The following KCNJ2 variants were observed in gnomAD, a reference collection of about 807,000 sequenced individuals.
KCNJ2 encodes inward rectifier potassium channel 2.
A neutral mutation model predicts 28.4 loss-of-function variants in KCNJ2; 12 were observed. That is an observed-to-expected ratio of 0.42 (90% CI 0.27 to 0.68). The LOEUF (loss-of-function observed/expected upper bound fraction) is 0.68, where lower values mean the gene tolerates loss of function less well. Among genes scored for constraint, KCNJ2 ranks in the 30% least tolerant of loss-of-function variants. The probability of loss-of-function intolerance (pLI) is 0.23; values close to 1 mark genes in which losing one functional copy is unlikely to be tolerated. For synonymous variants in KCNJ2, 200 were observed against 203.2 expected (o/e 0.98, Z 0.13); for missense variants, 320 against 551.3 (o/e 0.58, Z 4.20).
At chr17:70,171,684 C>A (rs998702345) in intron 1 of KCNJ2, among the ~76,000 whole-genome samples, 17 of 152,160 alleles carry the variant, frequency 1.1e-4, no homozygotes, top group African/African-American at 4.1e-4. Flanking sequence ...AAACGCTGAA[C>A]TATTTTTTTC....
At chr17:70,173,730 G>C (rs577182050) in intron 1 of KCNJ2, among the ~76,000 whole-genome samples, 3 of 152,158 alleles carry the variant, frequency 2.0e-5, no homozygotes, top group Non-Finnish European at 4.4e-5. Flanking sequence ...GAAAGTAAGC[G>C]GACTGGCATT....
At position 70,177,834 on chromosome 17, in the gene KCNJ2, G is replaced by C. The variant is rs1184772581; in HGVS notation, c.*1511G>C. On this transcript the variant is annotated 3_prime_UTR_variant, in exon 2 of 2. Coordinates refer to ENST00000243457, the MANE Select transcript of KCNJ2 (RefSeq NM_000891.3). ...CATAATCACAAGTAAAGGAGATAATGGTCTAAAACAGCTATTTCCCTTTTC... is the reference window on the plus strand; with the variant it reads ...CATAATCACAAGTAAAGGAGATAATCGTCTAAAACAGCTATTTCCCTTTTC... 6.0e-6 allele frequency: 1 copy of C among 167,044 alleles called. No individual in the cohort carries two copies. The highest frequency in any genetic ancestry group is 1.5e-5 in the Non-Finnish European group (1 of 68,112). 10.3% of individuals were successfully genotyped at this position (167,044 alleles called of 1,614,324 possible). A position where few individuals can be genotyped will look rare whatever the true frequency, so the allele number is the denominator to read the frequency against.
rs2074410550 is a variant in KCNJ2 at position 70,178,839 on chromosome 17, AG to A, written c.*2518del. Reference sequence around the variant, plus strand: ...CATATTTAAAGCCAAATGTAAATAGAGGTCTGTAAAGAAAAATAATTGCCAT... The same window carrying A: ...CATATTTAAAGCCAAATGTAAATAGAGTCTGTAAAGAAAAATAATTGCCAT... On this transcript the variant is annotated 3_prime_UTR_variant, in exon 2 of 2. Coordinates refer to ENST00000243457, the MANE Select transcript of KCNJ2 (RefSeq NM_000891.3). 1 of 167,024 alleles carries A rather than the reference AG, an allele frequency of 6.0e-6. No individual in the cohort carries two copies. Among genetic ancestry groups the A allele is most frequent in the Non-Finnish European group, 1.5e-5 (1 of 68,102 alleles). 10.3% of individuals were successfully genotyped at this position (167,024 alleles called of 1,614,324 possible). A position where few individuals can be genotyped will look rare whatever the true frequency, so the allele number is the denominator to read the frequency against.
Position 70,175,804 on chromosome 17 carries a change from C to G in KCNJ2, c.765C>G (p.Asp255Glu). The G allele has an allele frequency of 2.5e-6, 4 of 1,614,190 alleles. No homozygotes were observed. In the South Asian group the frequency reaches 3.3e-5, roughly 13 times the overall value. Residue 255 changes from aspartate to glutamate, a missense_variant, in exon 2 of 2, where the codon GAC becomes GAG. Asp to Glu is a conservative substitution (Grantham distance 45, BLOSUM62 2). Coordinates refer to ENST00000243457, the MANE Select transcript of KCNJ2 (RefSeq NM_000891.3). The surrounding 1 kb of genome is among the most constrained non-coding windows in gnomAD (Gnocchi z 8.3). The stretch of plus-strand genomic sequence containing the variant: ...AAATAGACATCAATGTTGGGTTTGA[C>G]AGTGGAATCGATCGTATATTTCTGG... The part of the protein sequence containing the change: ...LDQIDINVGF[D>E]SGIDRIFLVS...
At chr17:70,174,796 G>A in intron 1 of KCNJ2, 28 bp from the exon 2 acceptor site, 1 of 567,840 alleles carries the variant, frequency 1.8e-6, no homozygotes, top group East Asian at 3.1e-5. Flanking sequence ...GGCTTATTTT[G>A]TAATGCACAG....
chr17:70,170,366 A>G (rs2074358784), intron 1 of KCNJ2, among the ~76,000 whole-genome samples: 1 of 152,198 alleles, frequency 6.6e-6, no homozygotes, highest in African/African-American at 2.4e-5. Context: ...TGGCTTGAAG[A>G]CAGTGTGGTT....
In KCNJ2 at chr17:70,177,846, C is replaced by T. The variant is rs1053846792; in HGVS notation, c.*1523C>T. On this transcript the variant is annotated 3_prime_UTR_variant, in exon 2 of 2. Transcript: ENST00000243457. ...TAAAGGAGATAATGGTCTAAAACAG[C>T]TATTTCCCTTTTCTGTGTGCATACT... 1.2e-5 allele frequency: 2 copies of T among 167,038 alleles called. No individual in the cohort carries two copies. Among genetic ancestry groups the T allele is most frequent in the Non-Finnish European group, 2.9e-5 (2 of 68,116 alleles). The allele number at this position is 167,038 out of a possible 1,614,324, so 10.3% of individuals were successfully genotyped here.
Position 70,176,913 on chromosome 17 carries a change from CTT to C in KCNJ2, c.*592_*593del, listed in dbSNP as rs1177740669. 1 of 174,838 alleles carries C rather than the reference CTT, an allele frequency of 5.7e-6. No homozygotes were observed. The allele number at this position is 174,838 out of a possible 1,614,324, so 10.8% of individuals were successfully genotyped here. A position where few individuals can be genotyped will look rare whatever the true frequency, so the allele number is the denominator to read the frequency against. ...TAGAATTGATTTTTTTTCTCTCTCT[CTT>C]TGTTACATAAGGGCATTATGTAACA... On this transcript the variant is annotated 3_prime_UTR_variant, in exon 2 of 2. Transcript: ENST00000243457.
intron 1 of KCNJ2, among the ~76,000 whole-genome samples, chr17:70,171,570 A>C (rs374761587): frequency 6.6e-6 from 1 of 152,006 alleles, no homozygotes; most frequent in South Asian, 2.1e-4. Context: ...TGGAAGTATT[A>C]CCTATATAGT....
At chr17:70,172,573 A>G (rs2074371023) in intron 1 of KCNJ2, among the ~76,000 whole-genome samples, 1 of 152,202 alleles carries the variant, frequency 6.6e-6, no homozygotes. Context: ...GTCATAATTC[A>G]GTCTTTAGAT....
In KCNJ2 at chr17:70,177,628, C is replaced by T. The variant is rs542754464; in HGVS notation, c.*1305C>T. 2 of 167,324 alleles carry T rather than the reference C, an allele frequency of 1.2e-5. No individual in the cohort carries two copies. Among genetic ancestry groups the T allele is most frequent in the East Asian group, 3.9e-4 (2 of 5,194 alleles). 10.4% of individuals were successfully genotyped at this position (167,324 alleles called of 1,614,324 possible). A position where few individuals can be genotyped will look rare whatever the true frequency, so the allele number is the denominator to read the frequency against. ...ATCAGTCTGTCTGGATTGAGTCCTA[C>T]AGTGTCAGATAGGGCGGCAAATGCC... On this transcript the variant is annotated 3_prime_UTR_variant, in exon 2 of 2. Coordinates refer to ENST00000243457, the MANE Select transcript of KCNJ2 (RefSeq NM_000891.3).
Position 70,178,258 on chromosome 17 carries a change from T to C in KCNJ2, c.*1935T>C, listed in dbSNP as rs565869800. The stretch of plus-strand genomic sequence containing the variant: ...CGTGCCTGCAAAACTATGACAATTT[T>C]TGCTGTTTTCAGCCTTCAGATTTGA... On this transcript the variant is annotated 3_prime_UTR_variant, in exon 2 of 2. Coordinates refer to ENST00000243457, the MANE Select transcript of KCNJ2 (RefSeq NM_000891.3). 2 of 167,162 alleles carry C rather than the reference T, an allele frequency of 1.2e-5. No individual in the cohort carries two copies. The highest frequency in any genetic ancestry group is 4.2e-4 in the South Asian group (2 of 4,818). 10.4% of individuals were successfully genotyped at this position (167,162 alleles called of 1,614,324 possible).
chr17:70,174,562 A>G (rs1203688240), intron 1 of KCNJ2, among the ~76,000 whole-genome samples: 1 of 152,184 alleles, frequency 6.6e-6, no homozygotes, highest in Non-Finnish European at 1.5e-5. Flanking sequence ...CCTGGCCAAA[A>G]AGAAGGGAAA....
chr17:70,174,945 T>A lies in KCNJ2; in HGVS notation c.-95T>A, dbSNP rs556236361. ...TCTCCTCATTTTTTTGGTGTGTGTG[T>A]CTTCACCGAACATTCAAAACTGTTT... is the stretch of plus-strand genomic sequence containing the variant. On this transcript the variant is annotated 5_prime_UTR_variant, in exon 2 of 2. Transcript: ENST00000243457. 1.8e-5 allele frequency: 22 copies of A among 1,225,312 alleles called. No individual in the cohort carries two copies. The highest frequency in any genetic ancestry group is 1.2e-4 in the Admixed American group (6 of 51,380). The allele number at this position is 1,225,312 out of a possible 1,614,324, so 75.9% of individuals were successfully genotyped here.
chr17:70,175,103 G>A lies in KCNJ2; in HGVS notation c.64G>A (p.Ala22Thr). The A allele has an allele frequency of 6.2e-7, 1 of 1,614,220 alleles. No homozygotes were observed. Among genetic ancestry groups the A allele is most frequent in the Non-Finnish European group, 8.5e-7 (1 of 1,180,046 alleles). ...TTCAGAAGAAGACGGTATGAAGTTG[G>A]CCACCATGGCAGTTGCAAATGGCTT... ...VSSEEDGMKL[A>T]TMAVANGFGN... Residue 22 changes from alanine (A) to threonine (T), a missense_variant, in exon 2 of 2, where the codon GCC becomes ACC. This residue lies in a region of KCNJ2 where 54 missense variants were observed against 63.0 expected (regional missense o/e 0.86). Coordinates refer to ENST00000243457, the MANE Select transcript of KCNJ2 (RefSeq NM_000891.3). This position sits in a 1 kb window ranked among gnomAD's most constrained non-coding sequence, Gnocchi z 8.3.
At chr17:70,171,411 G>A (rs2074364444) in intron 1 of KCNJ2, among the ~76,000 whole-genome samples, 1 of 152,202 alleles carries the variant, frequency 6.6e-6, no homozygotes, top group African/African-American at 2.4e-5. Flanking sequence ...ACACTCATTA[G>A]CAGACCTCTC....
intron 1 of KCNJ2, among the ~76,000 whole-genome samples, chr17:70,171,671 T>C (rs2074365780): frequency 6.6e-6 from 1 of 152,218 alleles, no homozygotes; most frequent in African/African-American, 2.4e-5. Flanking sequence ...CTACCTAAGT[T>C]TAAAACGCTG....
At position 70,175,141 on chromosome 17, in the gene KCNJ2, G is replaced by C. The variant is rs1476737505; in HGVS notation, c.102G>C (p.Lys34Asn). 3 of 1,614,192 alleles carry C rather than the reference G, an allele frequency of 1.9e-6. No homozygotes were observed. The Admixed American group carries it at 5.0e-5, about 27-fold the overall frequency. ...TTGCAAATGGCTTTGGGAACGGGAA[G>C]AGTAAAGTCCACACCCGACAACAGT... ...MAVANGFGNG[K>N]SKVHTRQQCR... The change falls in exon 2 of 2, where the codon AAG becomes AAC. Residue 34 changes from lysine to asparagine, a missense_variant. Physicochemically the swap from Lys to Asn is moderately conservative, Grantham distance 94. Around this residue, in one of 3 missense-constraint regions of KCNJ2, gnomAD observed 54 missense variants for 63.0 expected, o/e 0.86. Coordinates refer to ENST00000243457, the MANE Select transcript of KCNJ2 (RefSeq NM_000891.3). This position sits in a 1 kb window ranked among gnomAD's most constrained non-coding sequence, Gnocchi z 8.3.
chr17:70,175,560 T>G lies in KCNJ2; in HGVS notation c.521T>G (p.Phe174Cys). 1 of 1,614,238 alleles carries G rather than the reference T, an allele frequency of 6.2e-7. No homozygotes were observed. The highest frequency in any genetic ancestry group is 8.5e-7 in the Non-Finnish European group (1 of 1,180,034). ...QSIVGCIIDAFIIGAVMAKMA... is the reference protein window; with the variant it reads ...QSIVGCIIDACIIGAVMAKMA... ...ATCGTGGGCTGCATCATCGATGCTT[T>G]CATCATTGGCGCAGTCATGGCCAAG... Residue 174 changes from phenylalanine (F) to cysteine (C), a missense_variant, in exon 2 of 2, where the codon TTC becomes TGC. By Grantham distance (205) the Phe-to-Cys change is radical. This residue lies in a region of KCNJ2 where 111 missense variants were observed against 256.7 expected (regional missense o/e 0.43). Coordinates refer to ENST00000243457, the MANE Select transcript of KCNJ2 (RefSeq NM_000891.3). This position sits in a 1 kb window ranked among gnomAD's most constrained non-coding sequence, Gnocchi z 8.3.
Sources: gnomAD v4.1 joint callset for allele counts (sites outside exome capture counted in the v4.1 genomes callset) on GRCh38, gnomAD v4.1.1 for gene constraint, gnomAD v4.1.1 regional missense constraint, Gnocchi (gnomAD v3.1) non-coding constraint, MANE v1.5 for transcripts, NCBI Gene and HGNC (gene_info 2026-07-23, HGNC 2026-07-21) for gene names.